Variants in CTTN observed in about 807,000 individuals in gnomAD.
The protein encoded by CTTN is cortactin, also known as src substrate cortactin.
In CTTN, 28 loss-of-function variants were observed where a neutral mutation model predicts 84.0. That is an observed-to-expected ratio of 0.33 (90% CI 0.25 to 0.46). The LOEUF is 0.46. CTTN is among the 20% of genes least tolerant of loss of function. The pLI, the probability that CTTN is intolerant of heterozygous loss-of-function variation, is 1.00. For missense variants in CTTN, 641 were observed against 723.8 expected (o/e 0.89, Z 1.31); for synonymous variants, 301 against 288.8 (o/e 1.04, Z -0.43).
At position 70,421,397 on chromosome 11, in the gene CTTN, T is replaced by C. The variant is rs1478084568; in HGVS notation, c.791-73T>C. On this transcript the variant is annotated intron_variant, in intron 10 of 17. Coordinates refer to ENST00000301843, the MANE Select transcript of CTTN (RefSeq NM_005231.4). ...GGAAACTGTGTTTGATTTTTGCGCA[T>C]GCTCATGCAATTCTAACCCAACTGT... is the stretch of plus-strand genomic sequence containing the variant. The C allele has an allele frequency of 3.7e-6, 4 of 1,069,828 alleles. No individual in the cohort carries two copies. In the Admixed American group the frequency reaches 6.9e-5, roughly 18 times the overall value. 66.3% of individuals were successfully genotyped at this position (1,069,828 alleles called of 1,614,324 possible).
chr11:70,430,344 A>G (rs1054680129), intron 14 of CTTN, among the ~76,000 whole-genome samples: 1 of 152,166 alleles, frequency 6.6e-6, no homozygotes, highest in African/African-American at 2.4e-5. Context: ...CGTAGTCACC[A>G]CCACACACAG....
chr11:70,433,854 A>T (rs2058383704), intron 17 of CTTN, 136 bp downstream of exon 17: 1 of 684,766 alleles, frequency 1.5e-6, no homozygotes, highest in Admixed American at 2.2e-5. Context: ...AGAGATATAG[A>T]AAAGTTGCAG....
In CTTN at chr11:70,435,762, C is replaced by G. The variant is rs1052073172; in HGVS notation, c.*600C>G. Reference sequence around the variant, plus strand: ...AGGATCAGGTGACTTCTAGCAGAGACCCTGGTTTTTTTCCTGTGCCCACTC... The same window carrying G: ...AGGATCAGGTGACTTCTAGCAGAGAGCCTGGTTTTTTTCCTGTGCCCACTC... On this transcript the variant is annotated 3_prime_UTR_variant, in exon 18 of 18. Transcript: ENST00000301843. 6.3e-7 allele frequency: 1 copy of G among 1,596,046 alleles called. No individual in the cohort carries two copies. Among genetic ancestry groups the G allele is most frequent in the Non-Finnish European group, 8.5e-7 (1 of 1,179,084 alleles).
intron 2 of CTTN, among the ~76,000 whole-genome samples, chr11:70,406,090 C>T (rs1253277821): frequency 1.3e-5 from 2 of 152,254 alleles, no homozygotes; most frequent in Non-Finnish European, 2.9e-5. Flanking sequence ...AAAAGCAGAT[C>T]ACTCTGGAAA....
intron 2 of CTTN, among the ~76,000 whole-genome samples, chr11:70,406,224 C>T (rs1323352567): frequency 6.6e-6 from 1 of 152,194 alleles, no homozygotes; most frequent in Non-Finnish European, 1.5e-5. Flanking sequence ...AGCACGCTGC[C>T]CTGATTGGTC....
intron 8 of CTTN, among the ~76,000 whole-genome samples, chr11:70,418,232 G>C (rs2058185991): frequency 6.6e-6 from 1 of 152,278 alleles, no homozygotes. Context: ...AGCTTGGCTT[G>C]TAGTTTGTCG....
At chr11:70,400,820 A>T (rs2057969708) in intron 1 of CTTN, among the ~76,000 whole-genome samples, 1 of 152,170 alleles carries the variant, frequency 6.6e-6, no homozygotes, top group Admixed American at 6.5e-5. Context: ...CTTGGCTTTC[A>T]CTGTGGCCCA....
In CTTN at chr11:70,425,368, T is replaced by C. The variant is rs2058289582; in HGVS notation, c.994T>C (p.Ser332Pro). The C allele has an allele frequency of 8.7e-6, 14 of 1,612,876 alleles. No homozygotes were observed. The highest frequency in any genetic ancestry group is 1.2e-5 in the Non-Finnish European group (14 of 1,179,540). Reference protein sequence around the residue: ...STFEDVTQVSSAYQKTVPVEA... With the variant: ...STFEDVTQVSPAYQKTVPVEA... ...CTTTGAGGATGTCACCCAGGTGTCC[T>C]CTGCCTACCAGAAGACAGTACCTGT... Residue 332 changes from serine (S) to proline (P), a missense_variant, in exon 13 of 18, where the codon TCT (serine) becomes CCT (proline). Ser to Pro is a moderately conservative substitution (Grantham distance 74). This residue lies in a region of CTTN where 289 missense variants were observed against 273.1 expected (regional missense o/e 1.06). Transcript: ENST00000301843.
At chr11:70,402,413 C>T (rs2057997495) in intron 1 of CTTN, among the ~76,000 whole-genome samples, 1 of 152,126 alleles carries the variant, frequency 6.6e-6, no homozygotes, top group South Asian at 2.1e-4. Context: ...CAACTGTCAC[C>T]ACAGTCAATT....
chr11:70,400,356 C>T (rs2057962907), intron 1 of CTTN, among the ~76,000 whole-genome samples: 1 of 152,096 alleles, frequency 6.6e-6, no homozygotes, highest in Non-Finnish European at 1.5e-5. Context: ...GTCCTAGCTA[C>T]TTGGGGCGCT....
intron 15 of CTTN, among the ~76,000 whole-genome samples, chr11:70,432,153 C>T (rs1293977090): frequency 6.6e-6 from 1 of 152,174 alleles, no homozygotes; most frequent in Non-Finnish European, 1.5e-5. Context: ...TACGCTGCTG[C>T]CTGCTGCCTT....
At chr11:70,413,398 G>C (rs746850792) in intron 5 of CTTN, among the ~76,000 whole-genome samples, 5 of 152,218 alleles carry the variant, frequency 3.3e-5, no homozygotes, top group African/African-American at 4.8e-5. Flanking sequence ...CTGGGGCCTC[G>C]GTGTCAGGAC....
At position 70,436,433 on chromosome 11, in the gene CTTN, A is replaced by G. The variant is rs779340012; in HGVS notation, c.*1271A>G. 1.3e-6 allele frequency: 2 copies of G among 1,593,678 alleles called. No individual in the cohort carries two copies. Among genetic ancestry groups the G allele is most frequent in the Admixed American group, 1.7e-5 (1 of 59,598 alleles). On this transcript the variant is annotated 3_prime_UTR_variant, in exon 18 of 18. Coordinates refer to ENST00000301843, the MANE Select transcript of CTTN (RefSeq NM_005231.4). ...AAGCGTGTTTTTGCTCCTGAGGTGCATTTTCTCATCATCCTTGCTTTACCA... is the reference window on the plus strand; with the variant it reads ...AAGCGTGTTTTTGCTCCTGAGGTGCGTTTTCTCATCATCCTTGCTTTACCA...
At chr11:70,411,778 T>G (rs909648370) in intron 5 of CTTN, among the ~76,000 whole-genome samples, 3 of 152,260 alleles carry the variant, frequency 2.0e-5, no homozygotes, top group African/African-American at 4.8e-5. Context: ...AGCCCTCACT[T>G]CCCTCTCTCC....
At chr11:70,424,251 T>C (rs1259304648) in intron 12 of CTTN, among the ~76,000 whole-genome samples, 1 of 151,862 alleles carries the variant, frequency 6.6e-6, no homozygotes, top group Non-Finnish European at 1.5e-5. Context: ...CCCCTGTGGG[T>C]GAGTCAGAGG....
In CTTN at chr11:70,417,073, C is replaced by T. The variant is rs1367827428; in HGVS notation, c.518C>T (p.Ala173Val). 7 of 1,614,042 alleles carry T rather than the reference C, an allele frequency of 4.3e-6. No homozygotes were observed. The highest frequency in any genetic ancestry group is 1.7e-5 in the Admixed American group (1 of 60,002). The stretch of plus-strand genomic sequence containing the variant: ...CAGGCCGACCGAGTAGACAAGAGCG[C>T]GGTGGGCTTCGACTACCAGGGCAAG... The part of the protein sequence containing the change: ...GVQADRVDKS[A>V]VGFDYQGKTE... The change falls in exon 8 of 18, where the codon GCG becomes GTG. Residue 173 changes from alanine (A) to valine (V), a missense_variant. Physicochemically the swap from Ala to Val is moderately conservative, Grantham distance 64 (BLOSUM62 0). This residue lies in a region of CTTN where 284 missense variants were observed against 348.4 expected (regional missense o/e 0.82). Coordinates refer to ENST00000301843, the MANE Select transcript of CTTN (RefSeq NM_005231.4).
intron 12 of CTTN, 118 bp from the exon 13 acceptor site, chr11:70,425,214 C>A: frequency 2.7e-6 from 2 of 744,096 alleles, no homozygotes; most frequent in South Asian, 1.7e-5. Flanking sequence ...GTGCTCTGGG[C>A]TGTGTGGCTG....
chr11:70,435,135 A>C lies in CTTN; in HGVS notation c.1626A>C (p.Pro542=). Residue 542 remains proline, a synonymous_variant, in exon 18 of 18, where the codon CCA becomes CCC. Transcript: ENST00000301843. The part of the protein sequence containing the change: ...GVCKGRYGLF[P]ANYVELRQ Reference sequence around the variant, plus strand: ...GCAAGGGCCGGTACGGGCTCTTCCCAGCCAACTATGTGGAGCTGCGGCAGT... The same window carrying C: ...GCAAGGGCCGGTACGGGCTCTTCCCCGCCAACTATGTGGAGCTGCGGCAGT... The C allele has an allele frequency of 6.2e-7, 1 of 1,612,764 alleles. No individual in the cohort carries two copies. Among genetic ancestry groups the C allele is most frequent in the East Asian group, 2.2e-5 (1 of 44,846 alleles).
At chr11:70,400,913 T>C (rs953422961) in intron 1 of CTTN, among the ~76,000 whole-genome samples, 7 of 152,346 alleles carry the variant, frequency 4.6e-5, no homozygotes, top group African/African-American at 1.7e-4. Context: ...AAGTGTGGTG[T>C]AGGGAGTGTG....
Sources: gnomAD v4.1 joint callset for allele counts (sites outside exome capture counted in the v4.1 genomes callset) on GRCh38, gnomAD v4.1.1 for gene constraint, gnomAD v4.1.1 regional missense constraint, MANE v1.5 for transcripts, NCBI Gene and HGNC (gene_info 2026-07-23, HGNC 2026-07-21) for gene names.